Variants in ADK observed in about 807,000 individuals in gnomAD.
ADK encodes adenosine kinase.
Under a neutral mutation model 44.7 loss-of-function variants are expected in ADK, and 24 were observed. The ratio of observed to expected loss-of-function variants is 0.54; its 90% CI spans 0.39 to 0.76. The LOEUF (loss-of-function observed/expected upper bound fraction) is 0.76, where lower values mean the gene tolerates loss of function less well. Ranked by LOEUF, ADK falls within the 30% of genes least tolerant of loss-of-function variation. The pLI is 0.00. For missense variants in ADK, 321 were observed against 425.1 expected, an observed-to-expected ratio of 0.76 and a Z score of 2.15; for synonymous variants, 128 against 142.6, an observed-to-expected ratio of 0.90 and a Z score of 0.73.
At chr10:74,300,052 C>CTT (rs772490556) in intron 3 of ADK, among the ~76,000 whole-genome samples, 2 of 140,270 alleles carry the variant, frequency 1.4e-5, no homozygotes, top group Non-Finnish European at 3.1e-5. Flanking sequence ...TCTTCGTCTT[C>CTT]TTTTTTTTTT....
At chr10:74,222,160 T>C (rs1844336344) in intron 2 of ADK, among the ~76,000 whole-genome samples, 1 of 151,776 alleles carries the variant, frequency 6.6e-6, no homozygotes, top group African/African-American at 2.4e-5. Context: ...CAAACAAATT[T>C]ACAAGAAAAA....
intron 6 of ADK, among the ~76,000 whole-genome samples, chr10:74,522,609 T>C (rs1848881180): frequency 6.6e-6 from 1 of 152,198 alleles, no homozygotes; most frequent in Admixed American, 6.5e-5. Flanking sequence ...TTGTAGTCTA[T>C]TTGAAATTTG....
At chr10:74,659,727 T>C (rs1465475964) in intron 9 of ADK, among the ~76,000 whole-genome samples, 2 of 152,234 alleles carry the variant, frequency 1.3e-5, no homozygotes, top group South Asian at 2.1e-4. Context: ...GAAGAAAGTC[T>C]GACGTTCCAG....
chr10:74,517,378 G>A (rs1260797585), intron 6 of ADK, among the ~76,000 whole-genome samples: 1 of 152,002 alleles, frequency 6.6e-6, no homozygotes, highest in Non-Finnish European at 1.5e-5. Context: ...GAAGTTGGGA[G>A]TATTTTAATC....
chr10:74,350,778 C>CT (rs1323145402), intron 4 of ADK, among the ~76,000 whole-genome samples: 1 of 152,138 alleles, frequency 6.6e-6, no homozygotes, highest in Non-Finnish European at 1.5e-5. Context: ...ACAGAGAATA[C>CT]TATAAACACC....
chr10:74,380,645 CTACTT>C (rs1210262240), intron 4 of ADK, among the ~76,000 whole-genome samples: 2 of 152,018 alleles, frequency 1.3e-5, no homozygotes, highest in African/African-American at 4.8e-5. Flanking sequence ...GTAGTCCCAG[CTACTT>C]GGGAGGCTGA....
At chr10:74,653,368 C>T (rs1854345640) in intron 9 of ADK, among the ~76,000 whole-genome samples, 1 of 152,074 alleles carries the variant, frequency 6.6e-6, no homozygotes, top group Admixed American at 6.6e-5. Flanking sequence ...AGGAGAATTG[C>T]TTGAACCCAG....
At chr10:74,332,669 T>A (rs905592837) in intron 4 of ADK, among the ~76,000 whole-genome samples, 4 of 152,182 alleles carry the variant, frequency 2.6e-5, no homozygotes, top group Non-Finnish European at 5.9e-5. Flanking sequence ...TCAGAATCTG[T>A]TCATAATGAA....
chr10:74,696,329 ATTATTTTATTT>A (rs538783342), intron 10 of ADK, among the ~76,000 whole-genome samples: 254 of 148,654 alleles, frequency 1.7e-3, no homozygotes, highest in African/African-American at 6.2e-3. Context: ...CCTGATTATT[ATTATTTTATTT>A]TTATTTTTTA....
intron 4 of ADK, among the ~76,000 whole-genome samples, chr10:74,380,374 A>G (rs1842941854): frequency 6.6e-6 from 1 of 152,186 alleles, no homozygotes; most frequent in Non-Finnish European, 1.5e-5. Context: ...TTTAGATTTT[A>G]ATTTAACCTT....
At chr10:74,464,506 G>A (rs914696818) in intron 6 of ADK, among the ~76,000 whole-genome samples, 21 of 152,108 alleles carry the variant, frequency 1.4e-4, no homozygotes, top group Non-Finnish European at 1.2e-4. Flanking sequence ...GTTGCAGGGA[G>A]CCACAGTCAT....
intron 9 of ADK, among the ~76,000 whole-genome samples, chr10:74,611,550 C>T (rs1852546331): frequency 2.0e-5 from 3 of 148,274 alleles, no homozygotes; most frequent in African/African-American, 7.5e-5. Flanking sequence ...AGGGTTGTTA[C>T]ATGGATATAT....
At chr10:74,334,161 C>T (rs186249500) in intron 4 of ADK, among the ~76,000 whole-genome samples, 21 of 152,252 alleles carry the variant, frequency 1.4e-4, no homozygotes, top group African/African-American at 4.6e-4. Flanking sequence ...TTGTAGTCTT[C>T]CTTTCCCCTA....
rs886047234 is a variant in ADK at position 74,176,755 on chromosome 10, G to T, written c.66-24009G>T. ...GCCCGCGCGCGGGGTGTGTGAGGAC[G>T]CGCTCCCAGTCGCTGAGTGCCTGAG... On this transcript the variant is annotated intron_variant, in intron 1 of 10. Coordinates refer to ENST00000539909, the MANE Select transcript of ADK (RefSeq NM_006721.4). 6 of 1,548,976 alleles carry T rather than the reference G, an allele frequency of 3.9e-6. No homozygotes were observed. Among genetic ancestry groups the T allele is most frequent in the Non-Finnish European group, 5.2e-6 (6 of 1,152,024 alleles).
intron 4 of ADK, among the ~76,000 whole-genome samples, chr10:74,384,914 G>A (rs1030530867): frequency 4.6e-5 from 7 of 152,164 alleles, no homozygotes; most frequent in African/African-American, 1.4e-4. Context: ...CTTGGGTAAC[G>A]ATTGAAGGAC....
chr10:74,494,403 A>G (rs866070007), intron 6 of ADK, among the ~76,000 whole-genome samples: 4 of 152,144 alleles, frequency 2.6e-5, no homozygotes. Context: ...ATAATATTAT[A>G]CAGATGTATG....
intron 3 of ADK, among the ~76,000 whole-genome samples, chr10:74,290,998 T>G (rs1196799813): frequency 3.3e-5 from 5 of 152,218 alleles, no homozygotes; most frequent in African/African-American, 1.2e-4. Flanking sequence ...ATAAGTGCTA[T>G]GGGAGATTTT....
chr10:74,511,223 G>A (rs1477124270), intron 6 of ADK, among the ~76,000 whole-genome samples: 2 of 152,090 alleles, frequency 1.3e-5, no homozygotes, highest in African/African-American at 2.4e-5. Context: ...TGGTCTATAT[G>A]TCTGTTTTTA....
intron 9 of ADK, among the ~76,000 whole-genome samples, chr10:74,611,182 C>G (rs551660616): frequency 0.04 from 6,141 of 152,064 alleles, 392 homozygotes; most frequent in African/African-American, 0.14. Context: ...TACCACCCTG[C>G]CCAGCTAATT....
Sources: allele counts gnomAD v4.1 joint callset (sites outside exome capture counted in the v4.1 genomes callset), GRCh38; gene constraint gnomAD v4.1.1; transcripts MANE v1.5; gene names NCBI Gene and HGNC (gene_info 2026-07-23, HGNC 2026-07-21).